PRDM10: variants seen among roughly 807,000 people sequenced by gnomAD.
The protein encoded by PRDM10 is PR/SET domain 10.
Under a neutral mutation model 133.1 loss-of-function variants are expected in PRDM10, and 65 were observed. That is an observed-to-expected ratio of 0.49 (90% CI 0.40 to 0.60). PRDM10 has a LOEUF of 0.60. Ranked by LOEUF, PRDM10 falls within the 20% of genes least tolerant of loss-of-function variation. PRDM10 has a pLI of 0.00. For synonymous variants in PRDM10, 582 were observed against 580.4 expected (o/e 1.00, Z -0.04); for missense variants, 1,137 against 1,507.1 (o/e 0.75, Z 4.07).
chr11:129,991,200 T>TTA (rs1295385337), intron 1 of PRDM10, among the ~76,000 whole-genome samples: 24 of 152,206 alleles, frequency 1.6e-4, no homozygotes, highest in African/African-American at 5.8e-4. Flanking sequence ...ATAGGCTGTT[T>TTA]TAGATCATGA....
intron 1 of PRDM10, among the ~76,000 whole-genome samples, chr11:129,966,198 C>T (rs1050862715): frequency 6.6e-6 from 1 of 152,004 alleles, no homozygotes; most frequent in African/African-American, 2.4e-5. Flanking sequence ...GAGCCAAGAT[C>T]GAGTCACTGC....
intron 4 of PRDM10, among the ~76,000 whole-genome samples, chr11:129,949,029 A>G (rs1180474827): frequency 6.6e-6 from 1 of 152,124 alleles, no homozygotes; most frequent in Non-Finnish European, 1.5e-5. Context: ...CACTGCTTTT[A>G]TCTGTTCTTC....
At position 129,947,456 on chromosome 11, in the gene PRDM10, AG is replaced by A; in HGVS notation, c.295-87del. On this transcript the variant is annotated intron_variant, in intron 4 of 20. Coordinates refer to ENST00000360871, the MANE Select transcript of PRDM10 (RefSeq NM_199437.2). This position sits in a 1 kb window ranked among gnomAD's most constrained non-coding sequence, Gnocchi z 4.6. ...TGCCTGCTGGCACAAACAGGGCGCA[AG>A]GGCTGGCTGAAATCTAGTCTTCCTA... The A allele has an allele frequency of 1.9e-6, 3 of 1,583,926 alleles. No homozygotes were observed. Among genetic ancestry groups the A allele is most frequent in the Non-Finnish European group, 2.6e-6 (3 of 1,160,816 alleles).
chr11:129,989,311 G>GA (rs534899256), intron 1 of PRDM10, among the ~76,000 whole-genome samples: 20 of 146,900 alleles, frequency 1.4e-4, no homozygotes, highest in African/African-American at 4.5e-4. Context: ...CTCTGGGAGG[G>GA]AAAAAAAAAA....
At chr11:129,957,138 C>A (rs1951710515) in intron 3 of PRDM10, among the ~76,000 whole-genome samples, 1 of 152,174 alleles carries the variant, frequency 6.6e-6, no homozygotes, top group African/African-American at 2.4e-5. Context: ...CTGAAATAAT[C>A]TGTATGTTTT....
At position 129,925,023 on chromosome 11, in the gene PRDM10, T is replaced by A; in HGVS notation, c.1737A>T (p.Ser579=). Residue 579 remains serine (S), a synonymous_variant, in exon 12 of 21, where the codon TCA becomes TCT. Coordinates refer to ENST00000360871, the MANE Select transcript of PRDM10 (RefSeq NM_199437.2). ...TSLESHMKLH[S]DQKTYSCIFC... is the part of the protein sequence containing the mutation. ...AAATGCAAGAGTAAGTCTTCTGGTC[T>A]GAGTGGAGCTTCATGTGGCTCTCCA... is the stretch of plus-strand genomic sequence containing the variant. 6.2e-7 allele frequency: 1 copy of A among 1,614,196 alleles called. No homozygotes were observed. The highest frequency in any genetic ancestry group is 8.5e-7 in the Non-Finnish European group (1 of 1,180,042).
At chr11:129,995,631 A>G (rs1179540262) in intron 1 of PRDM10, among the ~76,000 whole-genome samples, 1 of 152,024 alleles carries the variant, frequency 6.6e-6, no homozygotes, top group African/African-American at 2.4e-5. Context: ...GCACACAAAA[A>G]TAAGAATCTT....
rs762845613 is a variant in PRDM10, at chr11:129,931,045, C to T, written c.1501G>A (p.Asp501Asn). 2.5e-6 allele frequency: 4 copies of T among 1,613,728 alleles called. No homozygotes were observed. The highest frequency in any genetic ancestry group is 2.2e-5 in the South Asian group (2 of 91,030). ...VVPTQSTLTADDMRRAKRIRN... is the reference protein window; with the variant it reads ...VVPTQSTLTANDMRRAKRIRN... The stretch of plus-strand genomic sequence containing the variant: ...ATGCGCTTGGCTCTGCGCATGTCGT[C>T]GGCTGTCAGCGTGCTCTGGGTGGGC... Residue 501 changes from aspartate to asparagine, a missense_variant, in exon 11 of 21, where the codon GAC becomes AAC. Around this residue, in one of 6 missense-constraint regions of PRDM10, gnomAD observed 635 missense variants for 835.2 expected, o/e 0.76. Coordinates refer to ENST00000360871, the MANE Select transcript of PRDM10 (RefSeq NM_199437.2).
intron 1 of PRDM10, among the ~76,000 whole-genome samples, chr11:129,982,778 T>TC (rs1414546921): frequency 1.3e-5 from 2 of 151,432 alleles, no homozygotes; most frequent in Non-Finnish European, 2.9e-5. Context: ...TGGCAAGACC[T>TC]CCCCCCAACC....
chr11:129,923,405 T>C lies in PRDM10; in HGVS notation c.1879-2A>G. On this transcript the variant is annotated splice_acceptor_variant, in intron 12 of 20. Coordinates refer to ENST00000360871, the MANE Select transcript of PRDM10 (RefSeq NM_199437.2). LOFTEE classifies it high-confidence loss of function. The surrounding 1 kb of genome is among the most constrained non-coding windows in gnomAD (Gnocchi z 4.4). ...GAAGCTGCGCACGTGTTTTTTCACC[T>C]GGTGATAAGAACCACAGGAAAATTC... is the stretch of plus-strand genomic sequence containing the variant. The C allele has an allele frequency of 3.1e-6, 5 of 1,604,438 alleles. No individual in the cohort carries two copies. Among genetic ancestry groups the C allele is most frequent in the Non-Finnish European group, 3.4e-6 (4 of 1,175,742 alleles).
In PRDM10 at chr11:129,908,504, A is replaced by G. The variant is rs112821474; in HGVS notation, c.3163+1972T>C. Among the ~76,000 whole-genome samples the G allele has an allele frequency of 6.6e-3, 998 of 152,224 alleles. 10 individuals are homozygous for G. The highest frequency in any genetic ancestry group is 0.022 in the African/African-American group (928 of 41,542). On this transcript the variant is annotated intron_variant, in intron 19 of 20. Coordinates refer to ENST00000360871, the MANE Select transcript of PRDM10 (RefSeq NM_199437.2). ...CTTTTTCTTTTAGAGGTAGGTACCA[A>G]AATATTTATGGATGAGGTGATATGA...
intron 15 of PRDM10, among the ~76,000 whole-genome samples, 187 bp downstream of exon 15, chr11:129,916,940 G>GA (rs1950376503): frequency 6.6e-6 from 1 of 152,050 alleles, no homozygotes; most frequent in Admixed American, 6.6e-5. Flanking sequence ...TATTTCTTAA[G>GA]AAAAAAATTT....
In PRDM10 at chr11:129,902,095, G is replaced by A. The variant is rs1377652827; in HGVS notation, c.*218C>T. 3.5e-6 allele frequency: 2 copies of A among 563,702 alleles called. No individual in the cohort carries two copies. Among genetic ancestry groups the A allele is most frequent in the South Asian group, 3.0e-5 (1 of 33,644 alleles). The allele number at this position is 563,702 out of a possible 1,614,324, so 34.9% of individuals were successfully genotyped here. A position where few individuals can be genotyped will look rare whatever the true frequency, so the allele number is the denominator to read the frequency against. ...CCTCGAAATCTACTTTCCCCTGAAAGATCTCTGTTCTGTGGCAAAAACCGA... is the reference window on the plus strand; with the variant it reads ...CCTCGAAATCTACTTTCCCCTGAAAAATCTCTGTTCTGTGGCAAAAACCGA... On this transcript the variant is annotated 3_prime_UTR_variant, in exon 21 of 21. Coordinates refer to ENST00000360871, the MANE Select transcript of PRDM10 (RefSeq NM_199437.2).
chr11:129,938,992 C>A (rs552456723), intron 7 of PRDM10, among the ~76,000 whole-genome samples: 2 of 152,184 alleles, frequency 1.3e-5, no homozygotes, highest in African/African-American at 4.8e-5. Flanking sequence ...TGCCCTCACC[C>A]CTGCCCTAAC....
chr11:129,955,186 A>C (rs1383513533), intron 4 of PRDM10, among the ~76,000 whole-genome samples: 1 of 152,230 alleles, frequency 6.6e-6, no homozygotes, highest in Non-Finnish European at 1.5e-5. Flanking sequence ...AGCAAGTACA[A>C]AAGCTATATC....
chr11:129,936,551 G>A (rs180770674), intron 8 of PRDM10, among the ~76,000 whole-genome samples: 1 of 152,072 alleles, frequency 6.6e-6, no homozygotes, highest in Non-Finnish European at 1.5e-5. Context: ...TACTCGGGAG[G>A]CTGAGGCAGG....
chr11:129,999,241 G>C (rs925123889), intron 1 of PRDM10, among the ~76,000 whole-genome samples: 1 of 152,086 alleles, frequency 6.6e-6, no homozygotes, highest in African/African-American at 2.4e-5. Context: ...CACCAATGAG[G>C]GCCAAAATAA....
chr11:129,959,924 T>A (rs1591663748), intron 2 of PRDM10, among the ~76,000 whole-genome samples: 1 of 151,192 alleles, frequency 6.6e-6, no homozygotes, highest in East Asian at 1.9e-4. Context: ...GGCTAATTTT[T>A]CTTTTTTTTT....
rs549575618 is a variant in PRDM10 at position 129,935,032 on chromosome 11, G to C, written c.1157+69C>G. ...GACACTCGGAGACACTCATTAGCTA[G>C]TGGACAATATAGAAATGATTCTGAA... On this transcript the variant is annotated intron_variant, in intron 9 of 20. Coordinates refer to ENST00000360871, the MANE Select transcript of PRDM10 (RefSeq NM_199437.2). 2.2e-6 allele frequency: 3 copies of C among 1,346,474 alleles called. No homozygotes were observed. The South Asian group carries it at 3.6e-5, about 16-fold the overall frequency. The allele number at this position is 1,346,474 out of a possible 1,614,324, so 83.4% of individuals were successfully genotyped here.
Sources: gnomAD v4.1 joint callset for allele counts (sites outside exome capture counted in the v4.1 genomes callset) on GRCh38, gnomAD v4.1.1 for gene constraint, gnomAD v4.1.1 regional missense constraint, Gnocchi (gnomAD v3.1) non-coding constraint, MANE v1.5 for transcripts, NCBI Gene and HGNC (gene_info 2026-07-23, HGNC 2026-07-21) for gene names.